Variants in FUT8 observed in about 807,000 individuals in gnomAD.
FUT8 encodes alpha-(1,6)-fucosyltransferase.
Under a neutral mutation model 71.3 loss-of-function variants are expected in FUT8, and 29 were observed. The ratio of observed to expected loss-of-function variants is 0.41; its 90% confidence interval spans 0.30 to 0.55. The LOEUF (loss-of-function observed/expected upper bound fraction) is 0.55, where lower values mean the gene tolerates loss of function less well. Among genes scored for constraint, FUT8 ranks in the 20% least tolerant of loss-of-function variants. The pLI is 0.34. For synonymous variants in FUT8, 254 were observed against 239.3 expected, an observed-to-expected ratio of 1.06 and a Z score of -0.57; for missense variants, 544 against 702.1, an observed-to-expected ratio of 0.77 and a Z score of 2.55.
intron 2 of FUT8, among the ~76,000 whole-genome samples, chr14:65,491,506 T>G (rs2066482045): frequency 6.6e-6 from 1 of 152,146 alleles, no homozygotes; most frequent in African/African-American, 2.4e-5. Context: ...TAGGTTATTT[T>G]CAGACTGGAT....
At chr14:65,708,831 G>A (rs1001687824) in intron 7 of FUT8, among the ~76,000 whole-genome samples, 1 of 152,122 alleles carries the variant, frequency 6.6e-6, no homozygotes, top group African/African-American at 2.4e-5. Flanking sequence ...ATCAGTGCCT[G>A]CTGCGGTCGG....
chr14:65,446,711 A>G (rs538341667), intron 1 of FUT8, among the ~76,000 whole-genome samples: 117 of 115,892 alleles, frequency 1.0e-3, no homozygotes, highest in Non-Finnish European at 1.8e-3. Flanking sequence ...TTAGATTTTC[A>G]TTCATTGCAA....
chr14:65,584,345 A>T (rs567966705), intron 3 of FUT8, among the ~76,000 whole-genome samples: 1 of 152,108 alleles, frequency 6.6e-6, no homozygotes, highest in East Asian at 1.9e-4. Flanking sequence ...CACCTAGCTA[A>T]TTTTTTGTAT....
intron 7 of FUT8, among the ~76,000 whole-genome samples, chr14:65,696,364 A>G (rs1054103870): frequency 2.0e-5 from 3 of 152,196 alleles, no homozygotes; most frequent in East Asian, 3.8e-4. Context: ...AAGGAATTCA[A>G]ACATCTTTAT....
At chr14:65,481,358 T>G (rs76389600) in intron 2 of FUT8, among the ~76,000 whole-genome samples, 1,617 of 152,336 alleles carry the variant, frequency 0.011, 18 homozygotes, top group Non-Finnish European at 0.017. Flanking sequence ...GTGAACTCCT[T>G]TTTAAGTGAT....
Position 65,469,126 on chromosome 14 carries a change from G to A in FUT8, c.-228+13408G>A, listed in dbSNP as rs1038235163. Among the ~76,000 whole-genome samples, 3 of 152,240 alleles carry A rather than the reference G, an allele frequency of 2.0e-5. No individual in the cohort carries two copies. The South Asian group carries it at 6.2e-4, about 32-fold the overall frequency. ...GCCTAGGAGTTCAAGGCTACAGTGCGCTGTGAATCACCACTGTACTCCAGA... is the reference window on the plus strand; with the variant it reads ...GCCTAGGAGTTCAAGGCTACAGTGCACTGTGAATCACCACTGTACTCCAGA... On this transcript the variant is annotated intron_variant, in intron 2 of 10. Coordinates refer to ENST00000673929, the MANE Select transcript of FUT8 (RefSeq NM_001371533.1).
At chr14:65,563,080 C>T (rs1473299894) in intron 3 of FUT8, among the ~76,000 whole-genome samples, 1 of 151,948 alleles carries the variant, frequency 6.6e-6, no homozygotes, top group Non-Finnish European at 1.5e-5. Context: ...TTATTCTTGT[C>T]ATTTGTACCA....
At chr14:65,358,433 G>A in the FUT8 span, among the ~76,000 whole-genome samples, 1 of 151,992 alleles carries the variant, frequency 6.6e-6, no homozygotes, top group Non-Finnish European at 1.5e-5. Flanking sequence ...ACTAATGCAA[G>A]TAACACCTTT....
chr14:65,461,654 T>G (rs950845087), intron 2 of FUT8, among the ~76,000 whole-genome samples: 2 of 152,258 alleles, frequency 1.3e-5, no homozygotes, highest in Non-Finnish European at 2.9e-5. Flanking sequence ...AGAAAGTTAC[T>G]GTCTTCTTTA....
At chr14:65,686,337 T>C (rs1893283900) in intron 7 of FUT8, among the ~76,000 whole-genome samples, 1 of 152,218 alleles carries the variant, frequency 6.6e-6, no homozygotes, top group Non-Finnish European at 1.5e-5. Context: ...AGCTTACTTA[T>C]ACAATACCAA....
intron 6 of FUT8, among the ~76,000 whole-genome samples, chr14:65,640,626 C>T (rs916547733): frequency 1.3e-5 from 2 of 151,976 alleles, no homozygotes; most frequent in African/African-American, 4.8e-5. Context: ...TAACATAATA[C>T]TTCATTTAGC....
Position 65,519,204 on chromosome 14 carries a change from C to T in FUT8, c.-227-42133C>T, listed in dbSNP as rs1346805891. On this transcript the variant is annotated intron_variant, in intron 2 of 10. Coordinates refer to ENST00000673929, the MANE Select transcript of FUT8 (RefSeq NM_001371533.1). ...AACGTGTCCCATCGTATTAGGGACA[C>T]GTTCATTCATTAAAAAAATGGAAAC... 3.3e-5 allele frequency among the ~76,000 whole-genome samples: 5 copies of T among 151,860 alleles called. No individual in the cohort carries two copies. The East Asian group carries it at 5.8e-4, about 18-fold the overall frequency.
At chr14:65,688,283 T>A (rs1279366741) in intron 7 of FUT8, among the ~76,000 whole-genome samples, 1 of 152,132 alleles carries the variant, frequency 6.6e-6, no homozygotes, top group African/African-American at 2.4e-5. Flanking sequence ...CCTGGCAAAC[T>A]AATCTTTTAA....
the FUT8 span, among the ~76,000 whole-genome samples, chr14:65,362,822 C>T: frequency 1.3e-5 from 2 of 151,352 alleles, no homozygotes; most frequent in Non-Finnish European, 1.5e-5. Flanking sequence ...ATTAGCCGGG[C>T]GTGGTGGTGT....
intron 3 of FUT8, among the ~76,000 whole-genome samples, chr14:65,563,671 A>C (rs900945909): frequency 6.6e-6 from 1 of 152,014 alleles, no homozygotes; most frequent in Admixed American, 6.6e-5. Flanking sequence ...TTAACAATTT[A>C]GACTTATAAA....
upstream of FUT8, among the ~76,000 whole-genome samples, chr14:65,408,567 A>G (rs950467762): frequency 2.0e-5 from 3 of 152,368 alleles, no homozygotes; most frequent in South Asian, 2.1e-4. Context: ...TTGGCAGATG[A>G]AAACAAAAAT....
At chr14:65,717,282 T>C (rs1239204057) in intron 7 of FUT8, among the ~76,000 whole-genome samples, 2 of 50,876 alleles carry the variant, frequency 3.9e-5, no homozygotes, top group Admixed American at 2.3e-4. Context: ...GAGGCGCTCC[T>C]CACTTCCCAG....
chr14:65,597,395 G>A (rs1217058498), intron 3 of FUT8, among the ~76,000 whole-genome samples: 2 of 152,076 alleles, frequency 1.3e-5, no homozygotes, highest in African/African-American at 4.8e-5. Context: ...TTGGGAGGCC[G>A]AGGCGGGTGG....
chr14:65,502,378 C>T (rs565212062), intron 2 of FUT8, among the ~76,000 whole-genome samples: 3 of 151,970 alleles, frequency 2.0e-5, no homozygotes, highest in African/African-American at 7.3e-5. Context: ...GCACCCACCA[C>T]CATGCCTGGC....
Sources: allele counts gnomAD v4.1 joint callset (sites outside exome capture counted in the v4.1 genomes callset), GRCh38; gene constraint gnomAD v4.1.1; transcripts MANE v1.5; gene names NCBI Gene and HGNC (gene_info 2026-07-23, HGNC 2026-07-21).